Variants in PIK3C2G observed in about 807,000 individuals in gnomAD.
PIK3C2G encodes phosphatidylinositol-4-phosphate 3-kinase catalytic subunit type 2 gamma.
Under a neutral mutation model 181.1 loss-of-function variants are expected in PIK3C2G, and 168 were observed. The observed-to-expected ratio is 0.93, with a 90% CI of 0.82 to 1.05. The LOEUF is 1.05. Ranked by LOEUF, PIK3C2G falls within the 50% of genes least tolerant of loss-of-function variation. PIK3C2G has a pLI of 0.00. For synonymous variants in PIK3C2G, 573 were observed against 592.2 expected, an observed-to-expected ratio of 0.97 and a Z score of 0.47; for missense variants, 1,869 against 1,732.8, an observed-to-expected ratio of 1.08 and a Z score of -1.40.
At chr12:18,694,104 C>G in the PIK3C2G span, 3 of 1,019,086 alleles carry the variant, frequency 2.9e-6, no homozygotes, top group African/African-American at 3.3e-5. Flanking sequence ...CTCTAGTGAA[C>G]TACGGCTGCC....
chr12:18,649,253 C>G (rs1950316812), downstream of PIK3C2G, among the ~76,000 whole-genome samples: 1 of 152,102 alleles, frequency 6.6e-6, no homozygotes, highest in Non-Finnish European at 1.5e-5. Context: ...GAAACTGCCA[C>G]AGATTTCCAC....
chr12:18,683,140 A>C, the PIK3C2G span: 3 of 1,008,588 alleles, frequency 3.0e-6, no homozygotes, highest in African/African-American at 3.3e-5. Context: ...TTTATGAGTA[A>C]TTATTTTTCT....
intron 31 of PIK3C2G, among the ~76,000 whole-genome samples, chr12:18,615,033 A>G (rs568474058): frequency 1.3e-5 from 2 of 152,070 alleles, no homozygotes; most frequent in African/African-American, 4.8e-5. Flanking sequence ...AAAGTTCCCT[A>G]GTGGTGATTT....
chr12:18,357,500 C>T (rs1022250730), intron 11 of PIK3C2G, among the ~76,000 whole-genome samples: 5 of 152,112 alleles, frequency 3.3e-5, no homozygotes, highest in African/African-American at 9.7e-5. Context: ...TTTAAAATTG[C>T]AAAGTGAATA....
At chr12:18,605,288 A>G (rs936752929) in intron 30 of PIK3C2G, among the ~76,000 whole-genome samples, 4 of 152,180 alleles carry the variant, frequency 2.6e-5, no homozygotes, top group African/African-American at 9.6e-5. Flanking sequence ...AACCTAGAAG[A>G]CATGGATGAA....
At chr12:18,568,902 T>A (rs926325337) in intron 29 of PIK3C2G, among the ~76,000 whole-genome samples, 1 of 152,030 alleles carries the variant, frequency 6.6e-6, no homozygotes, top group African/African-American at 2.4e-5. Flanking sequence ...TTTGAAATTG[T>A]AAAATGTAAA....
chr12:18,351,356 T>A (rs1047563087), intron 11 of PIK3C2G, among the ~76,000 whole-genome samples: 6 of 152,286 alleles, frequency 3.9e-5, no homozygotes, highest in African/African-American at 1.4e-4. Flanking sequence ...ATTTCCTCTA[T>A]GCCATTTTGC....
At chr12:18,553,054 T>A (rs961235881) in intron 26 of PIK3C2G, among the ~76,000 whole-genome samples, 1 of 152,092 alleles carries the variant, frequency 6.6e-6, no homozygotes, top group African/African-American at 2.4e-5. Context: ...AGCTGTTTTA[T>A]GCACAACAGC....
intron 15 of PIK3C2G, among the ~76,000 whole-genome samples, chr12:18,395,958 C>T (rs2138090989): frequency 6.7e-6 from 1 of 150,120 alleles, no homozygotes; most frequent in African/African-American, 2.4e-5. Context: ...AAAAGGGGAC[C>T]AAGAAATGGT....
intron 29 of PIK3C2G, among the ~76,000 whole-genome samples, chr12:18,589,000 C>A (rs771241492): frequency 1.3e-5 from 2 of 152,018 alleles, no homozygotes; most frequent in East Asian, 1.9e-4. Flanking sequence ...AACAGAAAAC[C>A]AATTACCAAA....
chr12:18,699,846 A>G, the PIK3C2G span: 5 of 1,613,560 alleles, frequency 3.1e-6, no homozygotes, highest in South Asian at 4.4e-5. Context: ...AATTATTTTC[A>G]TTAAATTGCT....
At chr12:18,608,344 T>A (rs1002773878) in intron 30 of PIK3C2G, among the ~76,000 whole-genome samples, 8 of 152,172 alleles carry the variant, frequency 5.3e-5, no homozygotes, top group Non-Finnish European at 7.4e-5. Flanking sequence ...TAAGAAAATG[T>A]GGCACATATA....
chr12:18,651,103 A>C (rs962345809), downstream of PIK3C2G, among the ~76,000 whole-genome samples: 6 of 151,640 alleles, frequency 4.0e-5, no homozygotes, highest in Non-Finnish European at 8.8e-5. Flanking sequence ...TCTGATTTTA[A>C]CTCTTATTAT....
At chr12:18,447,311 A>G (rs1947082850) in intron 18 of PIK3C2G, among the ~76,000 whole-genome samples, 1 of 152,222 alleles carries the variant, frequency 6.6e-6, no homozygotes, top group Non-Finnish European at 1.5e-5. Flanking sequence ...AGACTTTTTA[A>G]TAAATAGAAA....
intron 18 of PIK3C2G, among the ~76,000 whole-genome samples, chr12:18,476,391 A>T (rs989933674): frequency 6.6e-6 from 1 of 152,120 alleles, no homozygotes; most frequent in Admixed American, 6.6e-5. Context: ...ACCCGAGAGA[A>T]ACAAATCATG....
At chr12:18,438,360 G>C (rs181506427) in intron 18 of PIK3C2G, among the ~76,000 whole-genome samples, 109 of 151,920 alleles carry the variant, frequency 7.2e-4, no homozygotes, top group Admixed American at 1.6e-3. Context: ...GGAATACTAA[G>C]GTTTAAGGTT....
chr12:18,463,921 T>C (rs1948054331), intron 18 of PIK3C2G, among the ~76,000 whole-genome samples: 1 of 152,140 alleles, frequency 6.6e-6, no homozygotes, highest in African/African-American at 2.4e-5. Flanking sequence ...TGCTCTTTAC[T>C]TGGTCTCACT....
At chr12:18,527,917 G>A (rs1381993606) in intron 24 of PIK3C2G, among the ~76,000 whole-genome samples, 4 of 151,886 alleles carry the variant, frequency 2.6e-5, no homozygotes, top group African/African-American at 9.7e-5. Context: ...GACTTCCAGG[G>A]GTCTAATTTA....
intron 16 of PIK3C2G, among the ~76,000 whole-genome samples, chr12:18,411,789 C>A (rs184899256): frequency 1.3e-5 from 2 of 152,158 alleles, no homozygotes; most frequent in Non-Finnish European, 2.9e-5. Flanking sequence ...TCTCAGATTT[C>A]TTTGCTTTTC....
Sources: gnomAD v4.1 joint callset for allele counts (sites outside exome capture counted in the v4.1 genomes callset) on GRCh38, gnomAD v4.1.1 for gene constraint, MANE v1.5 for transcripts, NCBI Gene and HGNC (gene_info 2026-07-23, HGNC 2026-07-21) for gene names.